PIR: variants seen among roughly 807,000 people sequenced by gnomAD.
PIR encodes pirin, also known as pirin (iron-binding nuclear protein).
A neutral mutation model predicts 24.2 loss-of-function variants in PIR; 22 were observed. The observed-to-expected ratio is 0.91, with a 90% confidence interval of 0.65 to 1.30. The LOEUF (loss-of-function observed/expected upper bound fraction) is 1.30. Ranked by LOEUF, PIR falls within the 50% of genes most tolerant of loss-of-function variation. The pLI, the probability that PIR is intolerant of heterozygous loss-of-function variation, is 0.00. For missense variants in PIR, 220 were observed against 220.3 expected, an observed-to-expected ratio of 1.00 and a Z score of 0.01; for synonymous variants, 80 against 79.6, an observed-to-expected ratio of 1.00 and a Z score of -0.03.
chrX:15,445,648 G>A (rs1409268384), intron 5 of PIR, among the ~76,000 whole-genome samples: 2 of 110,686 alleles, frequency 1.8e-5, no homozygotes, highest in Non-Finnish European at 3.8e-5. Flanking sequence ...ATCTTAATCA[G>A]TCCATATTGT....
At chrX:15,475,866 T>G (rs1466107411) in intron 3 of PIR, among the ~76,000 whole-genome samples, 4 of 112,468 alleles carry the variant, frequency 3.6e-5, no homozygotes, top group Non-Finnish European at 7.5e-5. Context: ...TTTTGTGTTG[T>G]GACCACCAGC....
intron 2 of PIR, 47 bp from the exon 3 acceptor site, chrX:15,479,868 T>C (rs1209754662): frequency 1.5e-6 from 1 of 674,435 alleles, no homozygotes; most frequent in Non-Finnish European, 2.3e-6. Context: ...TTTTAAGCCA[T>C]ACTACCAGGG....
intron 5 of PIR, among the ~76,000 whole-genome samples, chrX:15,439,178 A>T (rs770897089): frequency 8.9e-6 from 1 of 111,933 alleles, no homozygotes; most frequent in East Asian, 2.8e-4. Flanking sequence ...GACACATATA[A>T]AGAACTCAGA....
chrX:15,464,654 C>A (rs999017099), intron 3 of PIR, among the ~76,000 whole-genome samples: 39 of 112,356 alleles, frequency 3.5e-4, no homozygotes, highest in African/African-American at 1.0e-3. Context: ...AGGAACAAAG[C>A]ATTTAGGATC....
chrX:15,392,940 T>C (rs1359553821), intron 8 of PIR, among the ~76,000 whole-genome samples: 1 of 112,489 alleles, frequency 8.9e-6, no homozygotes, highest in African/African-American at 3.2e-5. Context: ...AAAGTCTCAG[T>C]TGCTGTTATC....
At chrX:15,439,990 C>T (rs1925863100) in intron 5 of PIR, among the ~76,000 whole-genome samples, 1 of 111,705 alleles carries the variant, frequency 9.0e-6, no homozygotes, top group Admixed American at 9.5e-5. Flanking sequence ...AAATTTCTCT[C>T]TCTCTCTCTC....
At chrX:15,401,941 G>A (rs1924401303) in intron 7 of PIR, among the ~76,000 whole-genome samples, 1 of 112,333 alleles carries the variant, frequency 8.9e-6, no homozygotes, top group African/African-American at 3.2e-5. Context: ...TATAGTTGAA[G>A]CCTTCTTATC....
intron 5 of PIR, among the ~76,000 whole-genome samples, chrX:15,433,262 A>T (rs1179559513): frequency 4.5e-5 from 5 of 110,878 alleles, no homozygotes; most frequent in Non-Finnish European, 9.4e-5. Context: ...CCAGGGAACT[A>T]AAGTGTTTAA....
At chrX:15,490,250 T>A (rs756378247) in intron 2 of PIR, among the ~76,000 whole-genome samples, 1 of 111,381 alleles carries the variant, frequency 9.0e-6, no homozygotes, top group Non-Finnish European at 1.9e-5. Context: ...TCAGCACTCA[T>A]TGAGGAAGGC....
chrX:15,465,024 A>AT (rs112410159), intron 3 of PIR, among the ~76,000 whole-genome samples: 5 of 109,975 alleles, frequency 4.5e-5, no homozygotes, highest in Admixed American at 9.6e-5. Context: ...GGACATCAAG[A>AT]TTTTTTTTTC....
At chrX:15,480,301 A>T (rs1396058656) in intron 2 of PIR, among the ~76,000 whole-genome samples, 1 of 111,013 alleles carries the variant, frequency 9.0e-6, no homozygotes, top group Non-Finnish European at 1.9e-5. Flanking sequence ...TCTTTTGTAA[A>T]TTGCCCAGTT....
At chrX:15,387,129 C>T (rs1156873565) in intron 9 of PIR, among the ~76,000 whole-genome samples, 4 of 85,070 alleles carry the variant, frequency 4.7e-5, no homozygotes, top group African/African-American at 1.9e-4. Flanking sequence ...TGCTCTGTCG[C>T]CCAGGCTGGA....
intron 3 of PIR, among the ~76,000 whole-genome samples, chrX:15,474,025 C>T (rs767509618): frequency 5.4e-5 from 6 of 111,655 alleles, no homozygotes; most frequent in Admixed American, 9.4e-5. Context: ...ATTATGAATA[C>T]GATGCTTTCC....
intron 5 of PIR, among the ~76,000 whole-genome samples, chrX:15,446,875 C>T (rs1926120911): frequency 9.0e-6 from 1 of 111,683 alleles, no homozygotes; most frequent in Non-Finnish European, 1.9e-5. Context: ...TTTACTAAGC[C>T]AAAGGAATAC....
At chrX:15,429,371 A>G (rs1407645122) in intron 5 of PIR, 1 of 112,192 alleles carries the variant, frequency 8.9e-6, no homozygotes, top group African/African-American at 3.2e-5. Flanking sequence ...AGTGTGAAAA[A>G]GTCTAAGAGG....
intron 7 of PIR, among the ~76,000 whole-genome samples, chrX:15,399,167 G>A (rs780441303): frequency 8.9e-6 from 1 of 112,079 alleles, no homozygotes; most frequent in African/African-American, 3.2e-5. Flanking sequence ...AAAATGTCTT[G>A]GGAGATACAC....
At chrX:15,449,195 A>G (rs1926205680) in intron 5 of PIR, among the ~76,000 whole-genome samples, 1 of 111,741 alleles carries the variant, frequency 8.9e-6, no homozygotes, top group African/African-American at 3.3e-5. Flanking sequence ...AGAAGCAAGG[A>G]GATAAAGATG....
At chrX:15,440,841 C>A (rs1201652508) in intron 5 of PIR, among the ~76,000 whole-genome samples, 7 of 110,993 alleles carry the variant, frequency 6.3e-5, no homozygotes, top group Non-Finnish European at 1.3e-4. Flanking sequence ...AAATGTCTCC[C>A]CCCAAGAGAG....
chrX:15,439,935 A>G (rs1002567282), intron 5 of PIR, among the ~76,000 whole-genome samples: 4 of 111,884 alleles, frequency 3.6e-5, no homozygotes, highest in Non-Finnish European at 7.5e-5. Context: ...TCAGCCACAC[A>G]GGAGGTCACC....
Sources: gnomAD v4.1 joint callset for allele counts (sites outside exome capture counted in the v4.1 genomes callset) on GRCh38, gnomAD v4.1.1 for gene constraint, MANE v1.5 for transcripts, NCBI Gene and HGNC (gene_info 2026-07-23, HGNC 2026-07-21) for gene names.